HDAC9: variants seen among roughly 807,000 people sequenced by gnomAD.
The protein encoded by HDAC9 is histone deacetylase 9, also known as MEF-2 interacting transcription repressor (MITR) protein.
A neutral mutation model predicts 139.4 loss-of-function variants in HDAC9; 41 were observed. That is an observed-to-expected ratio of 0.29 (90% CI 0.23 to 0.38). HDAC9 has a LOEUF of 0.38. Among genes scored for constraint, HDAC9 ranks in the 10% least tolerant of loss-of-function variants. The probability of loss-of-function intolerance (pLI) is 1.00; values close to 1 mark genes in which losing one functional copy is unlikely to be tolerated. For synonymous variants in HDAC9, 517 were observed against 476.2 expected, an observed-to-expected ratio of 1.09 and a Z score of -1.12; for missense variants, 1,147 against 1,297.0, an observed-to-expected ratio of 0.88 and a Z score of 1.78.
intron 17 of HDAC9, among the ~76,000 whole-genome samples, chr7:18,823,839 T>G (rs1795171015): frequency 6.6e-6 from 1 of 151,522 alleles, no homozygotes; most frequent in South Asian, 2.1e-4. Flanking sequence ...ATTAGCCAGG[T>G]GTGGTGGTGT....
chr7:18,152,154 T>G, intron 1 of HDAC9, among the ~76,000 whole-genome samples: 1 of 152,156 alleles, frequency 6.6e-6, no homozygotes. Context: ...GTTTCACAAT[T>G]TGAGGGGCAG....
At chr7:18,360,353 T>C (rs1318109716) in intron 1 of HDAC9, among the ~76,000 whole-genome samples, 1 of 152,210 alleles carries the variant, frequency 6.6e-6, no homozygotes, top group African/African-American at 2.4e-5. Flanking sequence ...TTAGACCCAA[T>C]GTCCTTTGGT....
At chr7:18,604,318 C>G (rs1338419092) in intron 6 of HDAC9, among the ~76,000 whole-genome samples, 1 of 151,614 alleles carries the variant, frequency 6.6e-6, no homozygotes, top group African/African-American at 2.4e-5. Context: ...TGTTTTTTGC[C>G]TTTCTTTTTA....
At chr7:18,425,490 T>A (rs911598479) in intron 1 of HDAC9, among the ~76,000 whole-genome samples, 6 of 152,222 alleles carry the variant, frequency 3.9e-5, no homozygotes, top group Admixed American at 6.5e-5. Context: ...GATATTCCAC[T>A]GATGAAGCTT....
At chr7:18,410,323 G>A (rs1788426631) in intron 1 of HDAC9, among the ~76,000 whole-genome samples, 1 of 152,140 alleles carries the variant, frequency 6.6e-6, no homozygotes, top group African/African-American at 2.4e-5. Flanking sequence ...GAGGACCACA[G>A]GAAGGCATTG....
At chr7:18,603,070 G>C (rs184995031) in intron 6 of HDAC9, among the ~76,000 whole-genome samples, 2 of 151,944 alleles carry the variant, frequency 1.3e-5, no homozygotes, top group Non-Finnish European at 2.9e-5. Context: ...TTTTATCTTC[G>C]ATAATCTTCT....
chr7:18,420,127 T>C (rs182859640), intron 1 of HDAC9, among the ~76,000 whole-genome samples: 1 of 152,336 alleles, frequency 6.6e-6, no homozygotes, highest in East Asian at 1.9e-4. Context: ...TAGAGTTGTT[T>C]GGAAGGCCAG....
chr7:18,952,197 G>A (rs1182484250), intron 23 of HDAC9, among the ~76,000 whole-genome samples: 1 of 151,914 alleles, frequency 6.6e-6, no homozygotes, highest in Non-Finnish European at 1.5e-5. Context: ...TTTTAAAATA[G>A]ACACAACCCT....
At chr7:18,244,973 ATCTC>A (rs964763831) in intron 2 of HDAC9, among the ~76,000 whole-genome samples, 147 of 49,620 alleles carry the variant, frequency 3.0e-3, no homozygotes, top group Non-Finnish European at 6.1e-3. Flanking sequence ...ATATATATAC[ATCTC>A]TCTATTATCT....
At chr7:18,422,009 T>A (rs1222525939) in intron 1 of HDAC9, among the ~76,000 whole-genome samples, 1 of 152,208 alleles carries the variant, frequency 6.6e-6, no homozygotes, top group African/African-American at 2.4e-5. Flanking sequence ...TAGGAGCCAC[T>A]GCATATCCTT....
chr7:18,278,413 T>G (rs1405217878), intron 2 of HDAC9, among the ~76,000 whole-genome samples: 1 of 152,206 alleles, frequency 6.6e-6, no homozygotes, highest in African/African-American at 2.4e-5. Context: ...AAGAACTCCC[T>G]GGGAAGAGTT....
intron 1 of HDAC9, among the ~76,000 whole-genome samples, chr7:18,431,031 TGTCC>T: frequency 6.8e-6 from 1 of 146,544 alleles, no homozygotes; most frequent in Non-Finnish European, 1.5e-5. Flanking sequence ...TGTCCTGTCC[TGTCC>T]TGTCCTGTCC....
chr7:18,957,247 T>C (rs940171382), intron 24 of HDAC9, among the ~76,000 whole-genome samples: 1 of 152,138 alleles, frequency 6.6e-6, no homozygotes, highest in African/African-American at 2.4e-5. Context: ...CATTTTTATG[T>C]GGTTATAACT....
chr7:18,265,493 G>C (rs1303600924), intron 2 of HDAC9, among the ~76,000 whole-genome samples: 1 of 152,030 alleles, frequency 6.6e-6, no homozygotes. Flanking sequence ...AATTAGAGTT[G>C]GGGTTACAAA....
rs942041799 is a variant in HDAC9 at position 18,302,529 on chromosome 7, C to G, written c.-42+12014C>G. Among the ~76,000 whole-genome samples the G allele has an allele frequency of 2.0e-5, 3 of 152,296 alleles. No homozygotes were observed. The East Asian group carries it at 5.8e-4, about 29-fold the overall frequency. On this transcript the variant is annotated intron_variant, in intron 1 of 3. Coordinates refer to the HDAC9 transcript ENST00000413509. ...ATATTTGCAAACTAACTTTACCTTT[C>G]CAAGTCTCAGTTTCTTCATCCATAA...
chr7:18,715,269 T>C (rs1784620549), intron 12 of HDAC9, among the ~76,000 whole-genome samples: 1 of 152,086 alleles, frequency 6.6e-6, no homozygotes, highest in South Asian at 2.1e-4. Context: ...CGGATACTTC[T>C]GTTTAAATGC....
chr7:18,495,663 C>A, upstream of HDAC9: 2 of 822,396 alleles, frequency 2.4e-6, no homozygotes, highest in Non-Finnish European at 2.9e-6. Flanking sequence ...ATTTCTGTGC[C>A]TGTGGGCCAT....
chr7:18,446,779 C>T (rs1387028604), intron 1 of HDAC9, among the ~76,000 whole-genome samples: 4 of 151,734 alleles, frequency 2.6e-5, no homozygotes. Flanking sequence ...TTGAAAAAAA[C>T]TTGGAAATAT....
At chr7:18,434,549 C>T (rs1198657941) in intron 1 of HDAC9, among the ~76,000 whole-genome samples, 1 of 151,478 alleles carries the variant, frequency 6.6e-6, no homozygotes, top group Non-Finnish European at 1.5e-5. Context: ...AATTAACAGG[C>T]AAAAAACAAC....
Sources: allele counts gnomAD v4.1 joint callset (sites outside exome capture counted in the v4.1 genomes callset), GRCh38; gene constraint gnomAD v4.1.1; transcripts MANE v1.5; gene names NCBI Gene and HGNC (gene_info 2026-07-23, HGNC 2026-07-21).